The following POLE3 variants were observed in gnomAD, a reference collection of about 807,000 sequenced individuals.
POLE3 encodes DNA polymerase epsilon 3, accessory subunit, also known as DNA polymerase epsilon subunit 3.
POLE3 carries 10 observed loss-of-function variants against 16.1 expected under a neutral mutation model. The observed-to-expected ratio is 0.62, with a 90% CI of 0.38 to 1.05. The LOEUF is 1.05. Ranked by LOEUF, POLE3 falls within the 50% of genes least tolerant of loss-of-function variation. POLE3 has a pLI of 0.01. For synonymous variants in POLE3, 83 were observed against 71.0 expected, an observed-to-expected ratio of 1.17 and a Z score of -0.85; for missense variants, 169 against 185.0, an observed-to-expected ratio of 0.91 and a Z score of 0.50.
rs973706890 is a variant in POLE3, at chr9:113,408,665, C to T, written c.*146G>A. 5.4e-5 allele frequency: 36 copies of T among 664,930 alleles called. No individual in the cohort carries two copies. Among genetic ancestry groups the T allele is most frequent in the Admixed American group, 2.4e-4 (10 of 41,310 alleles). The allele number at this position is 664,930 out of a possible 1,614,324, so 41.2% of individuals were successfully genotyped here. On this transcript the variant is annotated 3_prime_UTR_variant, in exon 5 of 5. Transcript: ENST00000374171. ...TGAGTTTGGTAAGTGCTGGTTTTGA[C>T]GGTATTTCTAGTCAGTTTTTATTCT...
rs369661173 is a variant in POLE3, at chr9:113,407,325, A to G, written c.*1486T>C. ...TTTTCACTGTATTTAACAAGTTAAC[A>G]GTGTCAAACTACACGTCACTACCTG... On this transcript the variant is annotated 3_prime_UTR_variant, in exon 5 of 5. Transcript: ENST00000374171. The G allele has an allele frequency of 1.0e-4, 16 of 152,732 alleles. No individual in the cohort carries two copies. The highest frequency in any genetic ancestry group is 3.8e-4 in the African/African-American group (16 of 41,594). The allele number at this position is 152,732 out of a possible 1,614,324, so 9.5% of individuals were successfully genotyped here.
Position 113,408,906 on chromosome 9 carries a change from C to T in POLE3, c.349G>A (p.Glu117Lys). The T allele has an allele frequency of 1.9e-6, 3 of 1,612,932 alleles. No individual in the cohort carries two copies. Among genetic ancestry groups the T allele is most frequent in the Non-Finnish European group, 2.5e-6 (3 of 1,179,350 alleles). ...TCATCCCTGCTCTTGTCTTGCTCTT[C>T]CGAGTCTGTTTTTTTGTCTTTGTCC... is the stretch of plus-strand genomic sequence containing the variant. ...KKDKDKKTDS[E>K]EQDKSRDEDN... Residue 117 changes from glutamate (E) to lysine (K), a missense_variant, in exon 5 of 5, where the codon GAA becomes AAA. Transcript: ENST00000374171.
At chr9:113,410,739 ATCCCTTTAG>A (rs1564393588), upstream of POLE3, 10 of 228,988 alleles carry the variant, frequency 4.4e-5, no homozygotes, top group African/African-American at 2.0e-4. Flanking sequence ...GGCGGGGCGG[ATCCCTTTAG>A]GACCCGAGGC....
intron 4 of POLE3, among the ~76,000 whole-genome samples, 179 bp downstream of exon 4, chr9:113,409,431 T>C (rs1467877741): frequency 8.4e-5 from 11 of 130,880 alleles, no homozygotes; most frequent in African/African-American, 1.7e-4. Flanking sequence ...GAAGGAAAAA[T>C]AACTTGCTCA....
Position 113,409,731 on chromosome 9 carries a change from G to A in POLE3, c.153-3C>T, listed in dbSNP as rs1221801048. On this transcript the variant is annotated splice_polypyrimidine_tract_variant and splice_region_variant and intron_variant, in intron 3 of 4. Coordinates refer to ENST00000374171, the MANE Select transcript of POLE3 (RefSeq NM_017443.5). ...CTTTCATTGCAAAGTTGTTAGCACT[G>A]AGAGAAGAGAAAGGCTGTCAGACTC... 27 of 1,576,712 alleles carry A rather than the reference G, an allele frequency of 1.7e-5. No homozygotes were observed. Among genetic ancestry groups the A allele is most frequent in the East Asian group, 2.2e-5 (1 of 44,706 alleles).
Position 113,409,711 on chromosome 9 carries a change from A to T in POLE3, c.170T>A (p.Met57Lys). Reference protein sequence around the residue: ...YATSCANNFAMKGKRKTLNAS... With the variant: ...YATSCANNFAKKGKRKTLNAS... Reference sequence around the variant, plus strand: ...ATTCAGCGTCTTCCGCTTTCCTTTCATTGCAAAGTTGTTAGCACTGAGAGA... The same window carrying T: ...ATTCAGCGTCTTCCGCTTTCCTTTCTTTGCAAAGTTGTTAGCACTGAGAGA... Residue 57 changes from methionine (M) to lysine (K), a missense_variant, in exon 4 of 5, where the codon ATG becomes AAG. Met to Lys is a moderately conservative substitution (Grantham distance 95, BLOSUM62 -1). Transcript: ENST00000374171. 1.2e-6 allele frequency: 2 copies of T among 1,610,876 alleles called. No homozygotes were observed. Among genetic ancestry groups the T allele is most frequent in the Non-Finnish European group, 1.7e-6 (2 of 1,177,134 alleles).
chr9:113,410,385 G>T lies in POLE3; in HGVS notation c.-92C>A. On this transcript the variant is annotated 5_prime_UTR_variant, in exon 2 of 5. Coordinates refer to ENST00000374171, the MANE Select transcript of POLE3 (RefSeq NM_017443.5). ...GCGTCGCTACGGTCTGACCCTGCGA[G>T]GTTTCCGTTCCGCCCCACGTGGCCT... 1 of 1,252,944 alleles carries T rather than the reference G, an allele frequency of 8.0e-7. No homozygotes were observed. Among genetic ancestry groups the T allele is most frequent in the Non-Finnish European group, 1.1e-6 (1 of 881,290 alleles). 77.6% of individuals were successfully genotyped at this position (1,252,944 alleles called of 1,614,324 possible). A position where few individuals can be genotyped will look rare whatever the true frequency, so the allele number is the denominator to read the frequency against.
rs1588095013 is a variant in POLE3 at position 113,410,151 on chromosome 9, A to C, written c.67-11T>G. On this transcript the variant is annotated splice_polypyrimidine_tract_variant and intron_variant, in intron 2 of 4. Transcript: ENST00000374171. ...GACACCGTCCGGGAGCTGCGAGGAG[A>C]CCGGGGGTGAGCAAAGCTGCCGTTC... 3 of 1,602,580 alleles carry C rather than the reference A, an allele frequency of 1.9e-6. No homozygotes were observed. Among genetic ancestry groups the C allele is most frequent in the Non-Finnish European group, 2.6e-6 (3 of 1,175,158 alleles).
intron 1 of POLE3, 61 bp from the exon 2 acceptor site, chr9:113,410,469 TCCG>T: frequency 1.6e-6 from 1 of 618,882 alleles, no homozygotes; most frequent in Non-Finnish European, 2.9e-6. Context: ...CAGCCCCGCC[TCCG>T]CCTCAAATAC....
rs1280162340 is a variant in POLE3, at chr9:113,408,010, C to T, written c.*801G>A. 6.6e-6 allele frequency: 1 copy of T among 152,662 alleles called. No homozygotes were observed. 9.5% of individuals were successfully genotyped at this position (152,662 alleles called of 1,614,324 possible). On this transcript the variant is annotated 3_prime_UTR_variant, in exon 5 of 5. Transcript: ENST00000374171. ...CAAGAAGAGGAAGCCTGGGGTTTTA[C>T]ACCTTCCGGGAGGTGATGACAAATC...
rs1295875879 is a variant in POLE3, at chr9:113,410,675, T to A, written c.-174A>T. On this transcript the variant is annotated 5_prime_UTR_variant, in exon 1 of 5. Transcript: ENST00000374171. ...TTCCCATGGTGCCCTGCGCCGCTGCTGGGTGACGGCGCGGCCGGGCGCAGC... is the reference window on the plus strand; with the variant it reads ...TTCCCATGGTGCCCTGCGCCGCTGCAGGGTGACGGCGCGGCCGGGCGCAGC... The A allele has an allele frequency of 4.0e-6, 1 of 250,644 alleles. No homozygotes were observed. Among genetic ancestry groups the A allele is most frequent in the Non-Finnish European group, 7.9e-6 (1 of 126,412 alleles). 15.5% of individuals were successfully genotyped at this position (250,644 alleles called of 1,614,324 possible).
chr9:113,410,597 C>G lies in POLE3; in HGVS notation c.-116+20G>C. 1 of 485,274 alleles carries G rather than the reference C, an allele frequency of 2.1e-6. No homozygotes were observed. The highest frequency in any genetic ancestry group is 2.8e-5 in the South Asian group (1 of 35,582). 30.1% of individuals were successfully genotyped at this position (485,274 alleles called of 1,614,324 possible). ...CCATTTCTCTGCTTCTCGCCATCGC[C>G]GCGTCGGGAACCTTCTCACCAACTT... On this transcript the variant is annotated intron_variant, in intron 1 of 4. Coordinates refer to ENST00000374171, the MANE Select transcript of POLE3 (RefSeq NM_017443.5).
At chr9:113,409,565 G>A in intron 4 of POLE3, 45 bp downstream of exon 4, 1 of 1,182,592 alleles carries the variant, frequency 8.5e-7, no homozygotes, top group Non-Finnish European at 1.3e-6. Flanking sequence ...AGGTCACACA[G>A]GATGACCATC....
At chr9:113,410,687 C>A, upstream of POLE3, 1 of 241,032 alleles carries the variant, frequency 4.1e-6, no homozygotes, top group Non-Finnish European at 8.3e-6. Flanking sequence ...GGTGACGGCG[C>A]GGCCGGGCGC....
At chr9:113,409,800 G>A (rs1027774503) in intron 3 of POLE3, 72 bp from the exon 4 acceptor site, 29 of 1,038,346 alleles carry the variant, frequency 2.8e-5, no homozygotes, top group Non-Finnish European at 3.6e-5. Flanking sequence ...GCACCCAGAG[G>A]TGGAACGGGA....
chr9:113,409,732 AGAG>A lies in POLE3; in HGVS notation c.153-7_153-5del, dbSNP rs1443072652. On this transcript the variant is annotated splice_region_variant and splice_polypyrimidine_tract_variant and intron_variant, in intron 3 of 4. Coordinates refer to ENST00000374171, the MANE Select transcript of POLE3 (RefSeq NM_017443.5). ...TTTCATTGCAAAGTTGTTAGCACTG[AGAG>A]AAGAGAAAGGCTGTCAGACTCCCTC... 1 of 1,576,224 alleles carries A rather than the reference AGAG, an allele frequency of 6.3e-7. No homozygotes were observed. Among genetic ancestry groups the A allele is most frequent in the Admixed American group, 1.7e-5 (1 of 59,946 alleles).
chr9:113,409,167 G>A (rs1412346972), intron 4 of POLE3, among the ~76,000 whole-genome samples, 184 bp from the exon 5 acceptor site: 1 of 151,998 alleles, frequency 6.6e-6, no homozygotes, highest in African/African-American at 2.4e-5. Context: ...TTCAAGACCA[G>A]CCTGGCCAAT....
intron 3 of POLE3, 142 bp from the exon 4 acceptor site, chr9:113,409,870 G>A: frequency 1.3e-6 from 1 of 752,386 alleles, no homozygotes; most frequent in Non-Finnish European, 2.2e-6. Context: ...TCCCTTCTCT[G>A]CACAAAAAAG....
In POLE3 at chr9:113,410,387, T is replaced by C. The variant is rs17525042; in HGVS notation, c.-94A>G. On this transcript the variant is annotated 5_prime_UTR_variant, in exon 2 of 5. Transcript: ENST00000374171. ...GTCGCTACGGTCTGACCCTGCGAGGTTTCCGTTCCGCCCCACGTGGCCTAC... is the reference window on the plus strand; with the variant it reads ...GTCGCTACGGTCTGACCCTGCGAGGCTTCCGTTCCGCCCCACGTGGCCTAC... 64,623 of 1,203,834 alleles carry C rather than the reference T, an allele frequency of 0.054. 2,112 individuals are homozygous for C. The highest frequency in any genetic ancestry group is 0.098 in the South Asian group (7,675 of 78,366). The allele number at this position is 1,203,834 out of a possible 1,614,324, so 74.6% of individuals were successfully genotyped here. A position where few individuals can be genotyped will look rare whatever the true frequency, so the allele number is the denominator to read the frequency against.
Sources: allele counts gnomAD v4.1 joint callset (sites outside exome capture counted in the v4.1 genomes callset), GRCh38; gene constraint gnomAD v4.1.1; transcripts MANE v1.5; gene names NCBI Gene and HGNC (gene_info 2026-07-23, HGNC 2026-07-21).